The following WBP4 variants were observed in gnomAD, a reference collection of about 807,000 sequenced individuals.
WBP4 encodes WW domain binding protein 4.
Under a neutral mutation model 55.4 loss-of-function variants are expected in WBP4, and 37 were observed. The observed-to-expected ratio is 0.67, with a 90% CI of 0.51 to 0.88. WBP4 has a LOEUF of 0.88. WBP4 is among the 40% of genes least tolerant of loss of function. WBP4 has a pLI of 0.00. For synonymous variants in WBP4, 142 were observed against 140.2 expected (o/e 1.01, Z -0.09); for missense variants, 398 against 420.8 (o/e 0.95, Z 0.47).
At position 41,063,785 on chromosome 13, in the gene WBP4, C is replaced by T. The variant is rs1376061197; in HGVS notation, c.75+1069C>T. 3.3e-5 allele frequency among the ~76,000 whole-genome samples: 5 copies of T among 152,198 alleles called. No homozygotes were observed. The East Asian group carries it at 9.6e-4, about 29-fold the overall frequency. ...TGTATTCTTTGTGTAGTGTAATCAA[C>T]TTTAGGAAACGCAATGTATGAAAAA... On this transcript the variant is annotated intron_variant, in intron 2 of 9. Coordinates refer to ENST00000379487, the MANE Select transcript of WBP4 (RefSeq NM_007187.5).
chr13:41,074,653 T>C (rs1186154696), intron 7 of WBP4, among the ~76,000 whole-genome samples: 1 of 152,196 alleles, frequency 6.6e-6, no homozygotes, highest in African/African-American at 2.4e-5. Flanking sequence ...GAATGTCATA[T>C]GTCATAAAGT....
At chr13:41,062,762 A>G (rs1593423148) in intron 2 of WBP4, 46 bp downstream of exon 2, 1 of 1,540,404 alleles carries the variant, frequency 6.5e-7, no homozygotes, top group South Asian at 1.2e-5. Context: ...ATTGTGTTGA[A>G]TGAAGTGCTC....
At chr13:41,082,452 A>G (rs1388185941) in intron 9 of WBP4, among the ~76,000 whole-genome samples, 1 of 152,130 alleles carries the variant, frequency 6.6e-6, no homozygotes, top group Non-Finnish European at 1.5e-5. Context: ...ATATAAGCCC[A>G]AGCATTTTCT....
chr13:41,062,544 G>T, intron 1 of WBP4, 100 bp from the exon 2 acceptor site: 2 of 1,022,024 alleles, frequency 2.0e-6, no homozygotes, highest in Non-Finnish European at 2.8e-6. Flanking sequence ...AGATTCAGTA[G>T]CAGGGGCATA....
chr13:41,071,009 G>C (rs1878218978), intron 5 of WBP4, among the ~76,000 whole-genome samples: 1 of 152,144 alleles, frequency 6.6e-6, no homozygotes, highest in South Asian at 2.1e-4. Flanking sequence ...TTATGTACTA[G>C]CAATTAGAAG....
At chr13:41,075,939 A>T in intron 7 of WBP4, 105 bp from the exon 8 acceptor site, 3 of 1,176,958 alleles carry the variant, frequency 2.5e-6, no homozygotes, top group South Asian at 2.8e-5. Flanking sequence ...TATGAAATAC[A>T]TACAGTATTG....
chr13:41,079,060 TC>T (rs1481296680), intron 8 of WBP4, among the ~76,000 whole-genome samples: 1 of 151,718 alleles, frequency 6.6e-6, no homozygotes, highest in African/African-American at 2.4e-5. Context: ...AAACTATGCA[TC>T]CAACACAGGA....
intron 5 of WBP4, 97 bp downstream of exon 5, chr13:41,068,834 T>C: frequency 1.5e-6 from 2 of 1,297,382 alleles, no homozygotes; most frequent in South Asian, 4.3e-5. Flanking sequence ...GTTGGAGCAC[T>C]TTAAATAGTG....
In WBP4 at chr13:41,082,817, T is replaced by C; in HGVS notation, c.1034T>C (p.Leu345Pro). The C allele has an allele frequency of 6.2e-7, 1 of 1,614,126 alleles. No homozygotes were observed. Among genetic ancestry groups the C allele is most frequent in the East Asian group, 2.2e-5 (1 of 44,860 alleles). The change falls in exon 10 of 10, where the codon CTT becomes CCT. Residue 345 changes from leucine (L) to proline (P), a missense_variant. Coordinates refer to ENST00000379487, the MANE Select transcript of WBP4 (RefSeq NM_007187.5). ...VVFKEKTVTS[L>P]GVMADGVAPV... ...TTTAAAGAAAAAACAGTCACTTCTC[T>C]TGGAGTTATGGCAGATGGAGTGGCC...
chr13:41,061,722 G>A (rs1385462576), intron 1 of WBP4, 47 bp downstream of exon 1: 10 of 1,612,690 alleles, frequency 6.2e-6, no homozygotes, highest in Non-Finnish European at 8.5e-6. Context: ...GTTTCTCTGG[G>A]CCGCCCTTTC....
chr13:41,074,182 C>T (rs539609263), intron 7 of WBP4, among the ~76,000 whole-genome samples: 24 of 152,240 alleles, frequency 1.6e-4, no homozygotes, highest in African/African-American at 4.6e-4. Context: ...CCGCCCGCCT[C>T]GGCCTCCCAA....
intron 4 of WBP4, among the ~76,000 whole-genome samples, chr13:41,065,698 A>G (rs1172110270): frequency 6.6e-6 from 1 of 152,170 alleles, no homozygotes; most frequent in African/African-American, 2.4e-5. Context: ...GTATATTTAT[A>G]TGGGTGAATA....
At chr13:41,072,120 C>T (rs1397366496) in intron 6 of WBP4, among the ~76,000 whole-genome samples, 2 of 151,526 alleles carry the variant, frequency 1.3e-5, no homozygotes, top group African/African-American at 2.4e-5. Context: ...GTTGGTTTGC[C>T]GTCAGTTGCC....
In WBP4 at chr13:41,061,691, G is replaced by A. The variant is rs377078432; in HGVS notation, c.2+16G>A. On this transcript the variant is annotated intron_variant, in intron 1 of 9. Coordinates refer to ENST00000379487, the MANE Select transcript of WBP4 (RefSeq NM_007187.5). ...GCGCAGTCATGTGAGTTGGGTCTCA[G>A]GCCCTGAACAACGAGGTGTTGTTTC... 1.9e-6 allele frequency: 3 copies of A among 1,613,918 alleles called. No homozygotes were observed. Among genetic ancestry groups the A allele is most frequent in the African/African-American group, 2.7e-5 (2 of 74,946 alleles).
intron 5 of WBP4, 26 bp from the exon 6 acceptor site, chr13:41,071,501 A>G: frequency 6.3e-7 from 1 of 1,579,500 alleles, no homozygotes; most frequent in South Asian, 1.2e-5. Flanking sequence ...AAAAGATTTT[A>G]TAAATGCAAT....
At chr13:41,066,452 A>G (rs1336511045) in intron 4 of WBP4, among the ~76,000 whole-genome samples, 1 of 151,914 alleles carries the variant, frequency 6.6e-6, no homozygotes, top group Admixed American at 6.6e-5. Flanking sequence ...GCTGCGGTCT[A>G]TTTGCCGGTT....
chr13:41,062,111 T>G (rs1320615570), intron 1 of WBP4: 23 of 969,172 alleles, frequency 2.4e-5, no homozygotes, highest in African/African-American at 9.9e-5. Flanking sequence ...TTTTTTTTTT[T>G]TTTTTTTTTT....
intron 1 of WBP4, chr13:41,062,078 G>A (rs1023073922): frequency 1.1e-6 from 1 of 921,506 alleles, no homozygotes; most frequent in Non-Finnish European, 1.3e-6. Flanking sequence ...GAAGCGGCCA[G>A]CCCTGGATAG....
rs1858324964 is a variant in WBP4, at chr13:41,061,520, CA to C, written c.-153del. On this transcript the variant is annotated 5_prime_UTR_variant, in exon 1 of 10. Coordinates refer to ENST00000379487, the MANE Select transcript of WBP4 (RefSeq NM_007187.5). ...TCGTCTGGGCACCCGTAGTTGGGAA[CA>C]GCGGAACGCTGGTCCCGGGGACTGA... 3.3e-6 allele frequency: 4 copies of C among 1,223,452 alleles called. No homozygotes were observed. The highest frequency in any genetic ancestry group is 2.3e-6 in the Non-Finnish European group (2 of 859,300). The allele number at this position is 1,223,452 out of a possible 1,614,324, so 75.8% of individuals were successfully genotyped here. A position where few individuals can be genotyped will look rare whatever the true frequency, so the allele number is the denominator to read the frequency against.
Sources: allele counts gnomAD v4.1 joint callset (sites outside exome capture counted in the v4.1 genomes callset), GRCh38; gene constraint gnomAD v4.1.1; transcripts MANE v1.5; gene names NCBI Gene and HGNC (gene_info 2026-07-23, HGNC 2026-07-21).